Variants in RNF207 observed in about 807,000 individuals in gnomAD.
RNF207 encodes ring finger protein 207, also known as OTTHUMG00000001089.
RNF207 carries 72 observed loss-of-function variants against 79.0 expected under a neutral mutation model. The ratio of observed to expected loss-of-function variants is 0.91; its 90% CI spans 0.75 to 1.11. The LOEUF (loss-of-function observed/expected upper bound fraction) is 1.11. Among genes scored for constraint, RNF207 ranks in the 50% least tolerant of loss-of-function variants. The pLI is 0.00. For missense variants in RNF207, 936 were observed against 855.8 expected (o/e 1.09, Z -1.17); for synonymous variants, 348 against 366.2 (o/e 0.95, Z 0.57).
At position 6,206,309 on chromosome 1, in the gene RNF207, A is replaced by G. The variant is rs976354559; in HGVS notation, c.-1+7A>G. ...CAGCAAAGCGGCCCAGCGGGTAGGT[A>G]CAAGGCCCCGCCCCTCGCCAGTCCT... is the stretch of plus-strand genomic sequence containing the variant. On this transcript the variant is annotated splice_region_variant and intron_variant, in intron 1 of 17. Coordinates refer to ENST00000377939, the MANE Select transcript of RNF207 (RefSeq NM_207396.3). 6 of 537,814 alleles carry G rather than the reference A, an allele frequency of 1.1e-5. No individual in the cohort carries two copies. Among genetic ancestry groups the G allele is most frequent in the Non-Finnish European group, 2.0e-5 (6 of 307,118 alleles). 33.3% of individuals were successfully genotyped at this position (537,814 alleles called of 1,614,324 possible).
intron 8 of RNF207, 64 bp downstream of exon 8, chr1:6,210,034 C>T: frequency 6.7e-7 from 1 of 1,490,080 alleles, no homozygotes; most frequent in Non-Finnish European, 9.1e-7. Context: ...CAGCTCAGAG[C>T]CTGGGCAGGC....
At chr1:6,206,492 G>A in intron 1 of RNF207, 44 bp from the exon 2 acceptor site, 1 of 1,452,338 alleles carries the variant, frequency 6.9e-7, no homozygotes, top group Non-Finnish European at 9.2e-7. Flanking sequence ...GCTCAAGCGG[G>A]GCTCCGTGCG....
chr1:6,209,856 GGGGTA>G, intron 7 of RNF207, 63 bp from the exon 8 acceptor site: 1 of 1,504,712 alleles, frequency 6.6e-7, no homozygotes, highest in Non-Finnish European at 9.0e-7. Flanking sequence ...TGGGGTCCGG[GGGGTA>G]GGCATGGTGG....
intron 16 of RNF207, among the ~76,000 whole-genome samples, chr1:6,215,320 ACCCGGC>A (rs1216512611): frequency 7.1e-6 from 1 of 140,742 alleles, no homozygotes; most frequent in Non-Finnish European, 1.5e-5. Context: ...GAGCCACTGC[ACCCGGC>A]CCCCCTTTTT....
intron 10 of RNF207, 135 bp from the exon 11 acceptor site, chr1:6,210,735 C>T (rs1571205009): frequency 1.2e-6 from 1 of 817,726 alleles, no homozygotes; most frequent in East Asian, 2.7e-5. Context: ...CCGGGTGAGT[C>T]CCAGAAGAGG....
chr1:6,206,929 G>A (rs567862728), intron 2 of RNF207, among the ~76,000 whole-genome samples: 6 of 152,332 alleles, frequency 3.9e-5, no homozygotes, highest in Non-Finnish European at 5.9e-5. Flanking sequence ...CTTAACTGAA[G>A]CCTGGAGATT....
chr1:6,210,519 G>C, intron 10 of RNF207, 81 bp downstream of exon 10: 1 of 1,137,668 alleles, frequency 8.8e-7, no homozygotes, highest in Admixed American at 1.9e-5. Context: ...CTCAGGGGTG[G>C]GCAGCCTGTC....
chr1:6,210,373 C>T lies in RNF207; in HGVS notation c.877C>T (p.His293Tyr). ...TGAGCAGCATCCCCTCCCCCAGGTC[C>T]ACCTGGTCATCTGCTCCTCCTTCCT... The part of the protein sequence containing the change: ...LATLLPTLQV[H>Y]LVICSSFLSL... The change falls in exon 10 of 18, where the codon CAC (histidine) becomes TAC (tyrosine). Residue 293 changes from histidine (H) to tyrosine (Y), a missense_variant. By Grantham distance (83) the His-to-Tyr change is moderately conservative. Transcript: ENST00000377939. The T allele has an allele frequency of 1.2e-6, 2 of 1,613,698 alleles. No homozygotes were observed. The highest frequency in any genetic ancestry group is 1.7e-6 in the Non-Finnish European group (2 of 1,179,806).
In RNF207 at chr1:6,207,223, G is replaced by A. The variant is rs1667944086; in HGVS notation, c.192-156G>A. On this transcript the variant is annotated intron_variant, in intron 2 of 17. Transcript: ENST00000377939. This position sits in a 1 kb window ranked among gnomAD's most constrained non-coding sequence, Gnocchi z 4.5. Reference sequence around the variant, plus strand: ...GCAAGGGTAGGGACCAGGGCAGGGTGAGTGCTGGCTGTGATATTTATAGCA... The same window carrying A: ...GCAAGGGTAGGGACCAGGGCAGGGTAAGTGCTGGCTGTGATATTTATAGCA... Among the ~76,000 whole-genome samples, 4 of 152,200 alleles carry A rather than the reference G, an allele frequency of 2.6e-5. No individual in the cohort carries two copies. The highest frequency in any genetic ancestry group is 2.0e-4 in the Admixed American group (3 of 15,280).
At position 6,213,058 on chromosome 1, in the gene RNF207, C is replaced by T. The variant is rs376384787; in HGVS notation, c.1535-8C>T. 37 of 1,591,900 alleles carry T rather than the reference C, an allele frequency of 2.3e-5. No homozygotes were observed. Among genetic ancestry groups the T allele is most frequent in the Non-Finnish European group, 2.9e-5 (34 of 1,161,656 alleles). On this transcript the variant is annotated splice_polypyrimidine_tract_variant and splice_region_variant and intron_variant, in intron 15 of 17. Transcript: ENST00000377939. Reference sequence around the variant, plus strand: ...TTAAGACCCCATGCTCTGGCCTTGGCCCCACAGCCCAGCTCCATGACCTTC... The same window carrying T: ...TTAAGACCCCATGCTCTGGCCTTGGTCCCACAGCCCAGCTCCATGACCTTC...
chr1:6,216,881 T>G (rs1370281160), intron 16 of RNF207, among the ~76,000 whole-genome samples: 1 of 152,034 alleles, frequency 6.6e-6, no homozygotes, highest in Non-Finnish European at 1.5e-5. Flanking sequence ...TTTGTTCGTT[T>G]GTTTTAAAGA....
At chr1:6,209,877 G>T in intron 7 of RNF207, 47 bp from the exon 8 acceptor site, 4 of 1,547,004 alleles carry the variant, frequency 2.6e-6, no homozygotes, top group Non-Finnish European at 3.5e-6. Context: ...GGTGGGAGGT[G>T]GCAGGGCTGG....
At chr1:6,210,704 G>C in intron 10 of RNF207, 166 bp from the exon 11 acceptor site, 1 of 695,528 alleles carries the variant, frequency 1.4e-6, no homozygotes, top group Non-Finnish European at 2.5e-6. Context: ...CTGTGGATTT[G>C]GGGATGGGAT....
intron 7 of RNF207, 76 bp from the exon 8 acceptor site, chr1:6,209,848 G>A (rs1267732929): frequency 6.8e-7 from 1 of 1,466,514 alleles, no homozygotes; most frequent in Non-Finnish European, 9.2e-7. Context: ...CAGGTGGCTG[G>A]GGTCCGGGGG....
At chr1:6,208,009 G>A (rs749492802) in intron 3 of RNF207, 10 of 325,430 alleles carry the variant, frequency 3.1e-5, no homozygotes, top group Non-Finnish European at 6.2e-5. Context: ...AAGCTCCAGC[G>A]TTCTGGACAA....
chr1:6,219,099 G>A, intron 17 of RNF207, 137 bp from the exon 18 acceptor site: 2 of 689,178 alleles, frequency 2.9e-6, no homozygotes, highest in Non-Finnish European at 4.8e-6. Flanking sequence ...TTTGGAGACA[G>A]AGCCTTCCTG....
chr1:6,206,146 C>T lies in RNF207; in HGVS notation c.-157C>T. ...AGGGAGGCCCCGCGCAGAGTGGGAA[C>T]CATCGCCCGGTGCGGGCCTGAACTT... On this transcript the variant is annotated 5_prime_UTR_variant, in exon 1 of 18. Coordinates refer to ENST00000377939, the MANE Select transcript of RNF207 (RefSeq NM_207396.3). 1 of 193,712 alleles carries T rather than the reference C, an allele frequency of 5.2e-6. No homozygotes were observed. Among genetic ancestry groups the T allele is most frequent in the Non-Finnish European group, 1.0e-5 (1 of 96,060 alleles). 12.0% of individuals were successfully genotyped at this position (193,712 alleles called of 1,614,324 possible). A position where few individuals can be genotyped will look rare whatever the true frequency, so the allele number is the denominator to read the frequency against.
chr1:6,218,472 T>G, intron 17 of RNF207, 103 bp downstream of exon 17: 1 of 845,222 alleles, frequency 1.2e-6, no homozygotes, highest in Non-Finnish European at 1.9e-6. Context: ...GCGCCAGCTC[T>G]GGGGCCCTGG....
In RNF207 at chr1:6,219,240, A is replaced by G; in HGVS notation, c.1738A>G (p.Asn580Asp). ...SRNNAASARN[N>D]PGSVPEKREK... ...TACATGAGGCTGTCCCTTTAGGAAT[A>G]ATCCAGGAAGTGTCCCGGAAAAGAG... Residue 580 changes from asparagine to aspartate, a missense_variant, in exon 18 of 18, where the codon AAT becomes GAT. By Grantham distance (23) the Asn-to-Asp change is conservative. Coordinates refer to ENST00000377939, the MANE Select transcript of RNF207 (RefSeq NM_207396.3). 6.2e-7 allele frequency: 1 copy of G among 1,607,408 alleles called. No individual in the cohort carries two copies. The highest frequency in any genetic ancestry group is 1.1e-5 in the South Asian group (1 of 90,336).
Sources: allele counts gnomAD v4.1 joint callset (sites outside exome capture counted in the v4.1 genomes callset), GRCh38; gene constraint gnomAD v4.1.1; non-coding constraint Gnocchi (gnomAD v3.1); transcripts MANE v1.5; gene names NCBI Gene and HGNC (gene_info 2026-07-23, HGNC 2026-07-21).